The following ZNF713 variants were observed in gnomAD, a reference collection of about 807,000 sequenced individuals.
ZNF713 encodes the protein zinc finger protein 713.
In ZNF713, 21 loss-of-function variants were observed where a neutral mutation model predicts 28.7. The observed-to-expected ratio is 0.73, with a 90% CI of 0.52 to 1.05. ZNF713 has a LOEUF of 1.05. Ranked by LOEUF, ZNF713 falls within the 50% of genes least tolerant of loss-of-function variation. The pLI, the probability that ZNF713 is intolerant of heterozygous loss-of-function variation, is 0.00. For missense variants in ZNF713, 458 were observed against 532.4 expected, an observed-to-expected ratio of 0.86 and a Z score of 1.37; for synonymous variants, 167 against 178.0, an observed-to-expected ratio of 0.94 and a Z score of 0.49.
At position 55,919,490 on chromosome 7, in the gene ZNF713, GTTTTTTTTTTTTTT is replaced by G. The variant is rs55656709; in HGVS notation, c.88-3652_88-3639del. 1.3e-3 allele frequency among the ~76,000 whole-genome samples: 87 copies of G among 66,770 alleles called. 1 individual carries two copies. The Middle Eastern group carries it at 0.021, about 16-fold the overall frequency. The allele number at this position is 66,770 out of a possible 152,430, so 43.8% of individuals were successfully genotyped here. Reference sequence around the variant, plus strand: ...GCTGGATAAATTGGTAAACACTCCAGTTTTTTTTTTTTTTTTTTTTTTTTTTTTTTTTTGAGATG... The same window carrying G: ...GCTGGATAAATTGGTAAACACTCCAGTTTTTTTTTTTTTTTTTTTGAGATG... On this transcript the variant is annotated intron_variant, in intron 4 of 6. Coordinates refer to ENST00000429591, the MANE Select transcript of ZNF713 (RefSeq NM_182633.3).
At chr7:55,894,573 T>C (rs1186402934) in intron 1 of ZNF713, among the ~76,000 whole-genome samples, 1 of 152,244 alleles carries the variant, frequency 6.6e-6, no homozygotes, top group Non-Finnish European at 1.5e-5. Flanking sequence ...GTATTGGTGA[T>C]GAATATATAA....
chr7:55,902,249 G>C (rs990369725), intron 1 of ZNF713, among the ~76,000 whole-genome samples: 2 of 151,908 alleles, frequency 1.3e-5, no homozygotes, highest in Non-Finnish European at 2.9e-5. Context: ...AAACTGATAG[G>C]ATTTTACTCT....
intron 6 of ZNF713, among the ~76,000 whole-genome samples, chr7:55,928,122 A>C (rs534640441): frequency 7.9e-5 from 12 of 152,220 alleles, no homozygotes; most frequent in African/African-American, 2.9e-4. Context: ...TAGAGGACTC[A>C]TGGTACATTT....
chr7:55,934,932 A>T (rs1786314696), intron 6 of ZNF713, among the ~76,000 whole-genome samples: 1 of 134,690 alleles, frequency 7.4e-6, no homozygotes, highest in African/African-American at 2.9e-5. Flanking sequence ...TCTGTTGCCT[A>T]GACTGGAGTG....
At chr7:55,929,087 A>G (rs1452986148) in intron 6 of ZNF713, among the ~76,000 whole-genome samples, 1 of 152,098 alleles carries the variant, frequency 6.6e-6, no homozygotes, top group Non-Finnish European at 1.5e-5. Context: ...GCAGTGAGCT[A>G]TGATTGCACC....
intron 2 of ZNF713, among the ~76,000 whole-genome samples, chr7:55,910,090 G>A (rs1477282557): frequency 6.6e-6 from 1 of 151,602 alleles, no homozygotes; most frequent in Non-Finnish European, 1.5e-5. Flanking sequence ...TGAACTCGCA[G>A]GCTCAAGCTA....
chr7:55,913,288 G>A (rs892232702), intron 4 of ZNF713, among the ~76,000 whole-genome samples: 9 of 131,592 alleles, frequency 6.8e-5, no homozygotes, highest in East Asian at 2.6e-4. Flanking sequence ...TGCAACCTCC[G>A]CCTCCTGGGT....
chr7:55,899,491 C>T (rs545797201), intron 1 of ZNF713, among the ~76,000 whole-genome samples: 39 of 141,328 alleles, frequency 2.8e-4, no homozygotes, highest in African/African-American at 9.9e-4. Flanking sequence ...GCCAAGATGG[C>T]GAGACCCCAT....
intron 1 of ZNF713, among the ~76,000 whole-genome samples, chr7:55,895,326 G>T (rs1785453983): frequency 6.6e-6 from 1 of 152,132 alleles, no homozygotes; most frequent in Non-Finnish European, 1.5e-5. Context: ...GGGAGCTCAG[G>T]ATGCCATTCG....
At chr7:55,897,324 C>T (rs1315339935) in intron 1 of ZNF713, among the ~76,000 whole-genome samples, 7 of 151,142 alleles carry the variant, frequency 4.6e-5, no homozygotes, top group African/African-American at 1.2e-4. Context: ...GATCATGGCT[C>T]GCTGGAGTGC....
At chr7:55,900,758 GC>G (rs1436654672) in intron 1 of ZNF713, among the ~76,000 whole-genome samples, 2 of 152,184 alleles carry the variant, frequency 1.3e-5, no homozygotes, top group African/African-American at 4.8e-5. Context: ...GGAGGGGTAA[GC>G]TTTAGTGATC....
In ZNF713 at chr7:55,940,597, C is replaced by G; in HGVS notation, c.*591C>G. ...TTTTAAAAAATCAGAAGTCCTTATC[C>G]AGGCATGGTGGTGCACACCTGCAAT... is the stretch of plus-strand genomic sequence containing the variant. On this transcript the variant is annotated 3_prime_UTR_variant, in exon 7 of 7. Transcript: ENST00000429591. 1 of 973,814 alleles carries G rather than the reference C, an allele frequency of 1.0e-6. No homozygotes were observed. The allele number at this position is 973,814 out of a possible 1,614,324, so 60.3% of individuals were successfully genotyped here.
At chr7:55,901,922 T>C (rs1160993117) in intron 1 of ZNF713, among the ~76,000 whole-genome samples, 1 of 152,240 alleles carries the variant, frequency 6.6e-6, no homozygotes. Flanking sequence ...CTGAGCACAG[T>C]GGCTCACGCC....
chr7:55,887,751 G>GA (rs1562731152), intron 1 of ZNF713, 71 bp downstream of exon 1: 1 of 2,290 alleles, frequency 4.4e-4, no homozygotes, highest in Admixed American at 2.4e-3. Context: ...GCGGAGGCGG[G>GA]GGGCGGAGGC....
chr7:55,926,747 G>C (rs958821478), intron 6 of ZNF713, among the ~76,000 whole-genome samples: 1 of 152,306 alleles, frequency 6.6e-6, no homozygotes, highest in East Asian at 1.9e-4. Context: ...ATGATTGGAA[G>C]AACAGTCAGT....
At chr7:55,929,217 C>T (rs558468945) in intron 6 of ZNF713, among the ~76,000 whole-genome samples, 28 of 152,074 alleles carry the variant, frequency 1.8e-4, no homozygotes, top group Non-Finnish European at 3.8e-4. Context: ...ATCCAAAGCA[C>T]AAAAATTATC....
intron 4 of ZNF713, among the ~76,000 whole-genome samples, chr7:55,918,853 G>A (rs181312754): frequency 6.6e-6 from 1 of 152,114 alleles, no homozygotes. Flanking sequence ...ATTAGCCAGG[G>A]CATGGTGGTT....
intron 4 of ZNF713, 129 bp downstream of exon 4, chr7:55,912,852 T>C (rs112359061): frequency 4.4e-6 from 3 of 682,896 alleles, no homozygotes; most frequent in East Asian, 2.7e-5. Flanking sequence ...ACAGATGATA[T>C]ACTCTCCACA....
intron 1 of ZNF713, among the ~76,000 whole-genome samples, chr7:55,904,755 C>T (rs1445353647): frequency 6.6e-6 from 1 of 151,994 alleles, no homozygotes. Flanking sequence ...TTGAGACGGT[C>T]TCACTCTGTC....
Sources: allele counts gnomAD v4.1 joint callset (sites outside exome capture counted in the v4.1 genomes callset), GRCh38; gene constraint gnomAD v4.1.1; transcripts MANE v1.5; gene names NCBI Gene and HGNC (gene_info 2026-07-23, HGNC 2026-07-21).